The following SRGAP3 variants were observed in gnomAD, a reference collection of about 807,000 sequenced individuals.
SRGAP3 encodes the protein SLIT-ROBO Rho GTPase-activating protein 3.
In SRGAP3, 39 loss-of-function variants were observed where a neutral mutation model predicts 121.1. The observed-to-expected ratio is 0.32, with a 90% confidence interval of 0.25 to 0.42. The LOEUF is 0.42. Ranked by LOEUF, SRGAP3 falls within the 10% of genes least tolerant of loss-of-function variation. The probability of loss-of-function intolerance (pLI) is 1.00; values close to 1 mark genes in which losing one functional copy is unlikely to be tolerated. For synonymous variants in SRGAP3, 601 were observed against 570.0 expected (o/e 1.05, Z -0.77); for missense variants, 1,213 against 1,470.6 (o/e 0.82, Z 2.86).
intron 3 of SRGAP3, among the ~76,000 whole-genome samples, chr3:9,266,436 T>A (rs76783447): frequency 1.7e-3 from 264 of 152,224 alleles, no homozygotes; most frequent in Non-Finnish European, 3.1e-3. Context: ...CAGAGCCACC[T>A]AGAGTGTCTG....
chr3:9,305,134 A>C (rs983162174), intron 3 of SRGAP3, among the ~76,000 whole-genome samples: 1 of 152,178 alleles, frequency 6.6e-6, no homozygotes, highest in African/African-American at 2.4e-5. Flanking sequence ...GGAGTGAGGG[A>C]ATAGGAGCAG....
chr3:8,998,553 T>C (rs565521481), intron 18 of SRGAP3, among the ~76,000 whole-genome samples: 128 of 48,078 alleles, frequency 2.7e-3, no homozygotes, highest in African/African-American at 0.024. Flanking sequence ...TGTATATATA[T>C]ACTATATATA....
At chr3:9,241,432 G>A (rs1356167062) in intron 1 of SRGAP3, among the ~76,000 whole-genome samples, 1 of 152,162 alleles carries the variant, frequency 6.6e-6, no homozygotes, top group East Asian at 1.9e-4. Context: ...CCCCAGACTG[G>A]GAGGGGCCTG....
chr3:9,285,168 AG>A (rs1250867145), intron 3 of SRGAP3, among the ~76,000 whole-genome samples: 2 of 152,212 alleles, frequency 1.3e-5, no homozygotes, highest in Non-Finnish European at 2.9e-5. Flanking sequence ...CAACAAAACC[AG>A]GGCTAAAATA....
rs1174175072 is a variant in SRGAP3, at chr3:9,239,009, TC to T, written c.67+9875del. Among the ~76,000 whole-genome samples the T allele has an allele frequency of 2.0e-5, 3 of 152,092 alleles. No homozygotes were observed. Among genetic ancestry groups the T allele is most frequent in the Non-Finnish European group, 4.4e-5 (3 of 68,010 alleles). ...CACAAGGGCCTTGGTGCTGCCTAAG[TC>T]CCCCTGGATCTTGGAGCACAACCCT... On this transcript the variant is annotated intron_variant, in intron 1 of 21. Transcript: ENST00000383836. This position sits in a 1 kb window ranked among gnomAD's most constrained non-coding sequence, Gnocchi z 4.0.
intron 4 of SRGAP3, among the ~76,000 whole-genome samples, chr3:9,078,945 C>T (rs1324041770): frequency 1.3e-5 from 2 of 152,172 alleles, no homozygotes; most frequent in Non-Finnish European, 2.9e-5. Context: ...CCTAGAGTTC[C>T]GTAGCTTGTT....
chr3:9,240,864 C>T (rs1254900716), intron 1 of SRGAP3, among the ~76,000 whole-genome samples: 1 of 152,130 alleles, frequency 6.6e-6, no homozygotes, highest in East Asian at 1.9e-4. Context: ...CCAAAGGTGA[C>T]TTCCTGGGGT....
At position 9,263,938 on chromosome 3, in the gene SRGAP3, T is replaced by C. The variant is rs538410398; in HGVS notation, n.442+62072A>G. ...ACAAAAAGAGAAAATTTCAGGCCAA[T>C]ATCCCTGATGAATATAGATGCAAAA... is the stretch of plus-strand genomic sequence containing the variant. On this transcript the variant is annotated intron_variant and non_coding_transcript_variant, in intron 3 of 3. Transcript: ENST00000490889. Among the ~76,000 whole-genome samples, 25 of 152,290 alleles carry C rather than the reference T, an allele frequency of 1.6e-4. 1 individual carries two copies. Among genetic ancestry groups the C allele is most frequent in the African/African-American group, 5.8e-4 (24 of 41,558 alleles).
chr3:9,263,077 AC>A (rs1299436486), intron 3 of SRGAP3, among the ~76,000 whole-genome samples: 3 of 152,200 alleles, frequency 2.0e-5, no homozygotes, highest in South Asian at 2.1e-4. Context: ...TCAAAACCAC[AC>A]AACTACATGG....
chr3:9,211,479 C>A (rs1279535442), intron 1 of SRGAP3, among the ~76,000 whole-genome samples: 1 of 152,140 alleles, frequency 6.6e-6, no homozygotes, highest in Non-Finnish European at 1.5e-5. Flanking sequence ...CCAGTGTTAA[C>A]CTCAGTGTTT....
At chr3:9,079,962 C>A in intron 4 of SRGAP3, 63 bp downstream of exon 4, 1 of 1,589,382 alleles carries the variant, frequency 6.3e-7, no homozygotes. Context: ...TGCTTCCCTC[C>A]AGCTCTGGTG....
chr3:9,209,864 A>T (rs1478129445), intron 1 of SRGAP3, among the ~76,000 whole-genome samples: 1 of 152,234 alleles, frequency 6.6e-6, no homozygotes, highest in Non-Finnish European at 1.5e-5. Context: ...AGCATTATTC[A>T]CAATAGCCAA....
intron 1 of SRGAP3, among the ~76,000 whole-genome samples, chr3:9,137,511 G>A (rs746405163): frequency 1.6e-4 from 24 of 152,182 alleles, no homozygotes; most frequent in Admixed American, 2.6e-4. Flanking sequence ...ATTTAATAAT[G>A]ATGATGCTAT....
At chr3:9,024,878 A>T (rs563608025) in intron 14 of SRGAP3, among the ~76,000 whole-genome samples, 1 of 152,330 alleles carries the variant, frequency 6.6e-6, no homozygotes, top group South Asian at 2.1e-4. Flanking sequence ...TTTCCCAGCA[A>T]CCACTGTGCA....
At chr3:9,168,443 C>G (rs897195051) in intron 1 of SRGAP3, among the ~76,000 whole-genome samples, 25 of 152,214 alleles carry the variant, frequency 1.6e-4, no homozygotes, top group African/African-American at 6.0e-4. Context: ...GTGTGCCCTC[C>G]CTCACTGAAA....
intron 3 of SRGAP3, among the ~76,000 whole-genome samples, chr3:9,261,597 A>T (rs1954256996): frequency 6.6e-6 from 1 of 151,950 alleles, no homozygotes; most frequent in South Asian, 2.1e-4. Flanking sequence ...AAGAAAGGAT[A>T]TCAGACATTG....
intron 19 of SRGAP3, 178 bp downstream of exon 19, chr3:8,994,165 G>T: frequency 1.2e-6 from 1 of 835,030 alleles, no homozygotes; most frequent in Non-Finnish European, 1.9e-6. Context: ...TTGGATATCC[G>T]TTAAGTGGAT....
At chr3:9,067,533 C>T (rs192722679) in intron 4 of SRGAP3, among the ~76,000 whole-genome samples, 200 of 152,114 alleles carry the variant, frequency 1.3e-3, no homozygotes, top group African/African-American at 4.5e-3. Flanking sequence ...CATATTGATG[C>T]GTTCTCGACA....
intron 3 of SRGAP3, among the ~76,000 whole-genome samples, chr3:9,318,882 A>G (rs941148852): frequency 1.1e-4 from 16 of 151,420 alleles, no homozygotes; most frequent in African/African-American, 3.9e-4. Flanking sequence ...GCATCTCAAG[A>G]AAAAAAAGAA....
Sources: allele counts gnomAD v4.1 joint callset (sites outside exome capture counted in the v4.1 genomes callset), GRCh38; gene constraint gnomAD v4.1.1; non-coding constraint Gnocchi (gnomAD v3.1); transcripts MANE v1.5; gene names NCBI Gene and HGNC (gene_info 2026-07-23, HGNC 2026-07-21).